The following FNDC3B variants were observed in gnomAD, a reference collection of about 807,000 sequenced individuals.
FNDC3B encodes fibronectin type III domain containing 3B.
Under a neutral mutation model 151.5 loss-of-function variants are expected in FNDC3B, and 12 were observed. That is an observed-to-expected ratio of 0.08 (90% CI 0.05 to 0.13). FNDC3B has a LOEUF of 0.13. Among genes scored for constraint, FNDC3B ranks in the 10% least tolerant of loss-of-function variants. The pLI, the probability that FNDC3B is intolerant of heterozygous loss-of-function variation, is 1.00. For synonymous variants in FNDC3B, 528 were observed against 549.0 expected (o/e 0.96, Z 0.54); for missense variants, 1,214 against 1,505.3 (o/e 0.81, Z 3.20).
intron 11 of FNDC3B, chr3:172,316,571 G>GA (rs1731798728): frequency 2.6e-6 from 1 of 381,440 alleles, no homozygotes; most frequent in South Asian, 1.9e-5. Flanking sequence ...TTTTATTTTA[G>GA]AAAAAATTAG....
intron 3 of FNDC3B, among the ~76,000 whole-genome samples, chr3:172,199,325 G>A (rs1463936769): frequency 4.0e-5 from 6 of 151,496 alleles, no homozygotes; most frequent in Admixed American, 1.3e-4. Context: ...GACTACAGGC[G>A]CCCGCCACCT....
At chr3:172,097,824 A>C (rs1348883399) in intron 1 of FNDC3B, among the ~76,000 whole-genome samples, 1 of 152,168 alleles carries the variant, frequency 6.6e-6, no homozygotes, top group Admixed American at 6.5e-5. Flanking sequence ...ATGGGCATGG[A>C]TACACATATC....
At chr3:172,188,058 C>A (rs1044352222) in intron 3 of FNDC3B, among the ~76,000 whole-genome samples, 5 of 148,704 alleles carry the variant, frequency 3.4e-5, no homozygotes, top group Non-Finnish European at 7.4e-5. Flanking sequence ...TGCAATGGCG[C>A]GATCTCGGCT....
chr3:172,243,084 C>T (rs947284967), intron 4 of FNDC3B, among the ~76,000 whole-genome samples: 1 of 152,176 alleles, frequency 6.6e-6, no homozygotes, highest in African/African-American at 2.4e-5. Flanking sequence ...CCACAAGTTC[C>T]TCATCTCTAT....
chr3:172,380,636 G>T (rs1327251782), intron 24 of FNDC3B, among the ~76,000 whole-genome samples: 1 of 152,114 alleles, frequency 6.6e-6, no homozygotes, highest in African/African-American at 2.4e-5. Flanking sequence ...GCCTGTTTTT[G>T]CATCTTCCAG....
At chr3:172,166,824 T>TGGCG (rs1175143462) in intron 3 of FNDC3B, among the ~76,000 whole-genome samples, 1 of 30,056 alleles carries the variant, frequency 3.3e-5, no homozygotes, top group African/African-American at 1.5e-4. Flanking sequence ...GTTCAGAATT[T>TGGCG]GGCGGGTGGG....
chr3:172,362,473 C>T (rs184906172), intron 22 of FNDC3B, among the ~76,000 whole-genome samples, 160 bp from the exon 23 acceptor site: 2 of 152,128 alleles, frequency 1.3e-5, no homozygotes, highest in East Asian at 1.9e-4. Context: ...TGAGCAACCC[C>T]GTGCTTCTAT....
intron 17 of FNDC3B, among the ~76,000 whole-genome samples, chr3:172,341,566 A>C (rs1387564245): frequency 6.6e-6 from 1 of 152,240 alleles, no homozygotes; most frequent in African/African-American, 2.4e-5. Context: ...ATGATTAAAA[A>C]ACTATAGATT....
chr3:172,281,213 T>A lies in FNDC3B; in HGVS notation c.791-4713T>A, dbSNP rs867120938. Among the ~76,000 whole-genome samples the A allele has an allele frequency of 8.5e-3, 883 of 104,210 alleles. 16 individuals carry two copies. Among genetic ancestry groups the A allele is most frequent in the African/African-American group, 0.033 (821 of 24,972 alleles). 68.4% of individuals were successfully genotyped at this position (104,210 alleles called of 152,430 possible). On this transcript the variant is annotated intron_variant, in intron 6 of 25. Coordinates refer to ENST00000415807, the MANE Select transcript of FNDC3B (RefSeq NM_022763.4). ...TACAAGAGTGCCTTATTATTATTAT[T>A]TATATTTATTTATTTATTTATTTAT...
At chr3:172,144,388 A>G (rs554608779) in intron 3 of FNDC3B, among the ~76,000 whole-genome samples, 18 of 152,220 alleles carry the variant, frequency 1.2e-4, no homozygotes, top group Non-Finnish European at 2.4e-4. Context: ...CATATCATTT[A>G]CTGAGTTAAA....
chr3:172,383,077 G>A (rs557144658), intron 25 of FNDC3B, among the ~76,000 whole-genome samples: 1 of 152,216 alleles, frequency 6.6e-6, no homozygotes, highest in South Asian at 2.1e-4. Context: ...CCATTTTCAC[G>A]ATATTGATTC....
rs1167627679 is a variant in FNDC3B, at chr3:172,392,810, CTTTT to C, written c.3304-4345_3304-4342del. On this transcript the variant is annotated intron_variant, in intron 25 of 25. Transcript: ENST00000415807. ...GAATGAATTTTTTCTTTTTTTTTTT[CTTTT>C]TTTTTTTTCAGACAGAGAGTATTGC... is the stretch of plus-strand genomic sequence containing the variant. Among the ~76,000 whole-genome samples the C allele has an allele frequency of 4.0e-5, 4 of 99,874 alleles. No individual in the cohort carries two copies. In the Admixed American group the frequency reaches 5.8e-4, roughly 14 times the overall value. The allele number at this position is 99,874 out of a possible 152,430, so 65.5% of individuals were successfully genotyped here. A position where few individuals can be genotyped will look rare whatever the true frequency, so the allele number is the denominator to read the frequency against.
chr3:172,206,900 A>G (rs1257392662), intron 3 of FNDC3B, among the ~76,000 whole-genome samples: 1 of 152,152 alleles, frequency 6.6e-6, no homozygotes, highest in Non-Finnish European at 1.5e-5. Flanking sequence ...TTCTTTTGAG[A>G]GAGAGATTAT....
At chr3:172,369,256 A>G (rs1037869632) in intron 23 of FNDC3B, among the ~76,000 whole-genome samples, 3 of 152,208 alleles carry the variant, frequency 2.0e-5, no homozygotes, top group South Asian at 2.1e-4. Context: ...AGGTTGAAAC[A>G]AGGCCACTAA....
chr3:172,066,053 C>T (rs1251914575), intron 1 of FNDC3B, among the ~76,000 whole-genome samples: 2 of 152,156 alleles, frequency 1.3e-5, no homozygotes, highest in Non-Finnish European at 1.5e-5. Flanking sequence ...TACACCAAGA[C>T]CATTGTAGCT....
In FNDC3B at chr3:172,149,806, G is replaced by GTTTTTTTTTTTTT. The variant is rs10561622; in HGVS notation, c.187+16278_187+16290dup. On this transcript the variant is annotated intron_variant, in intron 3 of 25. Transcript: ENST00000415807. ...TGTGTATACCTTTTGTATGTTGGGT[G>GTTTTTTTTTTTTT]TTTTTTTTTTTTTTTTTTTTTTTTT... 2.1e-4 allele frequency among the ~76,000 whole-genome samples: 11 copies of GTTTTTTTTTTTTT among 52,506 alleles called. 1 individual carries two copies. Among genetic ancestry groups the GTTTTTTTTTTTTT allele is most frequent in the African/African-American group, 7.0e-4 (9 of 12,774 alleles). 34.4% of individuals were successfully genotyped at this position (52,506 alleles called of 152,430 possible). A position where few individuals can be genotyped will look rare whatever the true frequency, so the allele number is the denominator to read the frequency against.
intron 1 of FNDC3B, among the ~76,000 whole-genome samples, chr3:172,091,797 G>C (rs1306521502): frequency 1.3e-5 from 2 of 151,758 alleles, no homozygotes; most frequent in African/African-American, 4.8e-5. Context: ...ATCTTGACAA[G>C]AGTAGTCACT....
chr3:172,084,901 G>T (rs1718473067), intron 1 of FNDC3B, among the ~76,000 whole-genome samples: 1 of 152,122 alleles, frequency 6.6e-6, no homozygotes, highest in South Asian at 2.1e-4. Context: ...CCCCTTACGA[G>T]AATGTAAACT....
intron 3 of FNDC3B, among the ~76,000 whole-genome samples, chr3:172,166,632 G>T (rs1010029046): frequency 2.6e-5 from 4 of 152,178 alleles, no homozygotes; most frequent in Non-Finnish European, 2.9e-5. Context: ...GCCTGTGCCT[G>T]TAGTCCCAGC....
Sources: gnomAD v4.1 joint callset for allele counts (sites outside exome capture counted in the v4.1 genomes callset) on GRCh38, gnomAD v4.1.1 for gene constraint, MANE v1.5 for transcripts, NCBI Gene and HGNC (gene_info 2026-07-23, HGNC 2026-07-21) for gene names.